The following JAKMIP3 variants were observed in gnomAD, a reference collection of about 807,000 sequenced individuals.
JAKMIP3 encodes the protein janus kinase and microtubule-interacting protein 3.
A neutral mutation model predicts 118.5 loss-of-function variants in JAKMIP3; 58 were observed. The observed-to-expected ratio is 0.49, with a 90% CI of 0.40 to 0.61. The LOEUF is 0.61. Ranked by LOEUF, JAKMIP3 falls within the 20% of genes least tolerant of loss-of-function variation. The pLI is 0.00. For synonymous variants in JAKMIP3, 486 were observed against 451.2 expected (o/e 1.08, Z -0.98); for missense variants, 950 against 1,109.0 (o/e 0.86, Z 2.04).
chr10:132,116,266 T>C (rs2047629544), intron 2 of JAKMIP3, among the ~76,000 whole-genome samples: 1 of 152,274 alleles, frequency 6.6e-6, no homozygotes, highest in South Asian at 2.1e-4. Flanking sequence ...GAACAGTACC[T>C]GCTCCTCAGG....
intron 11 of JAKMIP3, chr10:132,144,389 A>C (rs892560361): frequency 6.6e-6 from 1 of 152,462 alleles, no homozygotes; most frequent in Non-Finnish European, 1.5e-5. Flanking sequence ...CGGGGCTTCC[A>C]GAGGGGCAGC....
At chr10:132,125,437 C>G (rs2049348072) in intron 3 of JAKMIP3, among the ~76,000 whole-genome samples, 1 of 152,290 alleles carries the variant, frequency 6.6e-6, no homozygotes, top group Non-Finnish European at 1.5e-5. Context: ...GGTGCTCCGC[C>G]TTGCGGCGTT....
rs1554937688 is a variant in JAKMIP3, at chr10:132,118,092, CG to C, written c.633+524del. On this transcript the variant is annotated intron_variant, in intron 3 of 23. Coordinates refer to ENST00000684848, the MANE Select transcript of JAKMIP3 (RefSeq NM_001323087.2). The surrounding 1 kb of genome is among the most constrained non-coding windows in gnomAD (Gnocchi z 4.8). ...CCAGAGAGGCGAGATCAGGAGGCCCCGGGGGGTGGGATGGCCCCCAGCTGCC... is the reference window on the plus strand; with the variant it reads ...CCAGAGAGGCGAGATCAGGAGGCCCCGGGGGTGGGATGGCCCCCAGCTGCC... Among the ~76,000 whole-genome samples, 1 of 152,126 alleles carries C rather than the reference CG, an allele frequency of 6.6e-6. No homozygotes were observed. Among genetic ancestry groups the C allele is most frequent in the Non-Finnish European group, 1.5e-5 (1 of 68,044 alleles).
intron 23 of JAKMIP3, among the ~76,000 whole-genome samples, chr10:132,181,780 G>A (rs1304169870): frequency 6.6e-6 from 1 of 151,716 alleles, no homozygotes; most frequent in Admixed American, 6.6e-5. Flanking sequence ...TGTCTCTACG[G>A]CCGGGCCCTC....
Position 132,180,770 on chromosome 10 carries a change from C to CGTGTGCGTGT in JAKMIP3, c.*1104-1582_*1104-1581insCGTGTGTGTG, listed in dbSNP as rs2061277627. On this transcript the variant is annotated intron_variant, in intron 23 of 23. Transcript: ENST00000684848. ...GCGCGCGCGTGTGTGCGTGTGTGTG[C>CGTGTGCGTGT]GTGTGTGTGTGTGCGCGTATGCATG... is the stretch of plus-strand genomic sequence containing the variant. 5.9e-4 allele frequency among the ~76,000 whole-genome samples: 31 copies of CGTGTGCGTGT among 52,202 alleles called. 7 individuals carry two copies. The highest frequency in any genetic ancestry group is 1.2e-3 in the Admixed American group (7 of 5,712). 34.2% of individuals were successfully genotyped at this position (52,202 alleles called of 152,430 possible). A position where few individuals can be genotyped will look rare whatever the true frequency, so the allele number is the denominator to read the frequency against.
In JAKMIP3 at chr10:132,181,849, C is replaced by T. The variant is rs116201954; in HGVS notation, c.*1104-508C>T. Reference sequence around the variant, plus strand: ...CTCTGCCTCTGTCCCAGCGTGCCCTCGCTCCCGCCCCTCAGCCCACGTGGC... The same window carrying T: ...CTCTGCCTCTGTCCCAGCGTGCCCTTGCTCCCGCCCCTCAGCCCACGTGGC... On this transcript the variant is annotated intron_variant, in intron 23 of 23. Transcript: ENST00000684848. 9.1e-3 allele frequency among the ~76,000 whole-genome samples: 1,374 copies of T among 150,246 alleles called. 27 individuals are homozygous for T. The highest frequency in any genetic ancestry group is 0.032 in the African/African-American group (1,278 of 40,302).
At chr10:132,107,372 C>A (rs1466272170) in intron 2 of JAKMIP3, among the ~76,000 whole-genome samples, 1 of 152,198 alleles carries the variant, frequency 6.6e-6, no homozygotes, top group Non-Finnish European at 1.5e-5. Context: ...GCCAGGCTTG[C>A]GGGCTCCCCA....
intron 23 of JAKMIP3, among the ~76,000 whole-genome samples, chr10:132,177,149 G>A (rs376930084): frequency 4.5e-4 from 68 of 152,342 alleles, no homozygotes; most frequent in African/African-American, 1.6e-3. Flanking sequence ...CGGGCCAGCT[G>A]TCTTGCAATC....
rs2061110360 is a variant in JAKMIP3, at chr10:132,180,706, T to TCAC, written c.*1104-1651_*1104-1650insCAC. Among the ~76,000 whole-genome samples, 2 of 25,898 alleles carry TCAC rather than the reference T, an allele frequency of 7.7e-5. 1 individual carries two copies. Among genetic ancestry groups the TCAC allele is most frequent in the African/African-American group, 4.5e-4 (2 of 4,410 alleles). 17.0% of individuals were successfully genotyped at this position (25,898 alleles called of 152,430 possible). The stretch of plus-strand genomic sequence containing the variant: ...GCGTGTGTGTGCGTGCGTGTGTGTG[T>TCAC]GCGCGTGTGTGTGCGTGTGTGTGCG... On this transcript the variant is annotated intron_variant, in intron 23 of 23. Coordinates refer to ENST00000684848, the MANE Select transcript of JAKMIP3 (RefSeq NM_001323087.2).
chr10:132,177,892 CGT>C (rs1001640921), intron 23 of JAKMIP3, among the ~76,000 whole-genome samples: 8 of 111,626 alleles, frequency 7.2e-5, no homozygotes, highest in Admixed American at 1.9e-4. Flanking sequence ...CTGGGTAGTG[CGT>C]GTGTGTGCAC....
chr10:132,059,404 G>A (rs562598617), intron 1 of JAKMIP3, among the ~76,000 whole-genome samples: 3 of 152,244 alleles, frequency 2.0e-5, no homozygotes, highest in Non-Finnish European at 4.4e-5. Context: ...GCAAGAGATT[G>A]ACTTGTTCAA....
intron 1 of JAKMIP3, among the ~76,000 whole-genome samples, chr10:132,068,612 G>C (rs1289613813): frequency 6.6e-6 from 1 of 152,220 alleles, no homozygotes; most frequent in East Asian, 1.9e-4. Flanking sequence ...CCGGAGACTG[G>C]AGGTGTCTCC....
intron 1 of JAKMIP3, among the ~76,000 whole-genome samples, chr10:132,041,929 C>G (rs1421298197): frequency 6.6e-6 from 1 of 150,444 alleles, no homozygotes; most frequent in Non-Finnish European, 1.5e-5. Flanking sequence ...TACAGTGGTG[C>G]CATCTCGGGT....
chr10:132,056,071 C>A (rs6560671), intron 1 of JAKMIP3, among the ~76,000 whole-genome samples: 50,026 of 151,848 alleles, frequency 0.33, 8,584 homozygotes, highest in South Asian at 0.52. Context: ...GCCAGCATTG[C>A]CTGCTTGTTT....
intron 1 of JAKMIP3, among the ~76,000 whole-genome samples, chr10:132,101,360 C>A (rs1344379970): frequency 6.6e-6 from 1 of 152,130 alleles, no homozygotes; most frequent in African/African-American, 2.4e-5. Context: ...CCCAACCCCA[C>A]CACTGAAGTC....
intron 1 of JAKMIP3, among the ~76,000 whole-genome samples, chr10:132,077,881 G>A (rs2041076673): frequency 6.6e-6 from 1 of 152,010 alleles, no homozygotes; most frequent in Non-Finnish European, 1.5e-5. Context: ...GCATGGTCTC[G>A]GCTCACTACA....
At chr10:132,082,091 T>A (rs1589769250) in intron 1 of JAKMIP3, among the ~76,000 whole-genome samples, 1 of 151,398 alleles carries the variant, frequency 6.6e-6, no homozygotes, top group Admixed American at 6.6e-5. Context: ...AAATTTAATT[T>A]TTATTATTTT....
Position 132,140,516 on chromosome 10 carries a change from C to A in JAKMIP3, c.1410C>A (p.Ser470=). The part of the protein sequence containing the change: ...EEASLESDGS[S]VSYQTDRTDQ... The stretch of plus-strand genomic sequence containing the variant: ...CTTCCCTGGAATCCGACGGCTCCTC[C>A]GTCTCTTACCAAACAGACAGGACGG... The change falls in exon 10 of 24, where the codon TCC becomes TCA. Residue 470 remains serine (S), a synonymous_variant. Transcript: ENST00000684848. 1 of 1,613,736 alleles carries A rather than the reference C, an allele frequency of 6.2e-7. No individual in the cohort carries two copies. Among genetic ancestry groups the A allele is most frequent in the Non-Finnish European group, 8.5e-7 (1 of 1,179,780 alleles).
intron 1 of JAKMIP3, among the ~76,000 whole-genome samples, chr10:132,078,821 C>A (rs2041289851): frequency 6.6e-6 from 1 of 152,238 alleles, no homozygotes; most frequent in South Asian, 2.1e-4. Flanking sequence ...CCAGAACCTC[C>A]CCCGAGCGTG....
Sources: allele counts gnomAD v4.1 joint callset (sites outside exome capture counted in the v4.1 genomes callset), GRCh38; gene constraint gnomAD v4.1.1; non-coding constraint Gnocchi (gnomAD v3.1); transcripts MANE v1.5; gene names NCBI Gene and HGNC (gene_info 2026-07-23, HGNC 2026-07-21).